Variants in WDR81 observed in about 807,000 individuals in gnomAD.
WDR81 encodes the protein WD repeat domain 81, also known as WD repeat-containing protein 81.
Under a neutral mutation model 140.8 loss-of-function variants are expected in WDR81, and 92 were observed. The ratio of observed to expected loss-of-function variants is 0.65; its 90% confidence interval spans 0.55 to 0.78. WDR81 has a LOEUF of 0.78. WDR81 is among the 30% of genes least tolerant of loss of function. The pLI, the probability that WDR81 is intolerant of heterozygous loss-of-function variation, is 0.00. For missense variants in WDR81, 2,502 were observed against 2,636.4 expected, an observed-to-expected ratio of 0.95 and a Z score of 1.12; for synonymous variants, 1,183 against 1,156.4, an observed-to-expected ratio of 1.02 and a Z score of -0.47.
At chr17:1,729,246 G>T (rs1025565157) in intron 1 of WDR81, among the ~76,000 whole-genome samples, 1 of 152,060 alleles carries the variant, frequency 6.6e-6, no homozygotes, top group South Asian at 2.1e-4. Context: ...TTGGGAGGCC[G>T]AGGCAGGAGG....
upstream of WDR81, chr17:1,724,662 G>C (rs369391306): frequency 9.6e-6 from 10 of 1,041,340 alleles, no homozygotes; most frequent in Non-Finnish European, 1.2e-5. Flanking sequence ...CTGGAGCCAC[G>C]TGCGCTTGTT....
rs1032061958 is a variant in WDR81 at position 1,726,450 on chromosome 17, C to T, written c.1491C>T (p.Thr497=). The change falls in exon 1 of 10, where the codon ACC becomes ACT. Residue 497 remains threonine, a synonymous_variant. Coordinates refer to ENST00000409644, the MANE Select transcript of WDR81 (RefSeq NM_001163809.2). The stretch of plus-strand genomic sequence containing the variant: ...ATGAGTGCATTCCGGAGTTCTACAC[C>T]GATCCCTCTATCTTCCGCTCCATCC... The part of the protein sequence containing the change: ...TPDECIPEFY[T]DPSIFRSIHP... The T allele has an allele frequency of 1.3e-5, 20 of 1,550,346 alleles. No individual in the cohort carries two copies. Among genetic ancestry groups the T allele is most frequent in the East Asian group, 2.4e-5 (1 of 40,928 alleles).
At chr17:1,716,578 G>A (rs2151151945) in exon 1 of WDR81, 1 of 1,551,700 alleles carries the variant, frequency 6.4e-7, no homozygotes, top group Non-Finnish European at 8.7e-7. Flanking sequence ...TGCAATGCAT[G>A]CTGGTCCGTG....
chr17:1,731,622 G>C (rs1293021143), intron 4 of WDR81, among the ~76,000 whole-genome samples: 4 of 152,020 alleles, frequency 2.6e-5, no homozygotes, highest in African/African-American at 9.7e-5. Flanking sequence ...TATATATAAA[G>C]GCCGAGCGTG....
chr17:1,730,556 C>T (rs1379787438), intron 2 of WDR81, 69 bp downstream of exon 2: 3 of 1,506,008 alleles, frequency 2.0e-6, no homozygotes, highest in East Asian at 2.4e-5. Flanking sequence ...CTTCAGCGCT[C>T]TCCGGCGGGG....
rs1278606481 is a variant in WDR81 at position 1,725,481 on chromosome 17, G to T, written c.522G>T (p.Leu174Phe). The T allele has an allele frequency of 1.9e-5, 30 of 1,548,478 alleles. No homozygotes were observed. The highest frequency in any genetic ancestry group is 2.4e-5 in the Non-Finnish European group (28 of 1,146,920). ...HSPAPSAVPA[L>F]DSVRQALQRV... ...CTGCCCCCTCAGCTGTCCCTGCCTT[G>T]GACTCAGTACGGCAGGCTCTGCAGA... Residue 174 changes from leucine (L) to phenylalanine (F), a missense_variant, in exon 1 of 10, where the codon TTG becomes TTT. By Grantham distance (22) the Leu-to-Phe change is conservative. This residue lies in a region of WDR81 where 547 missense variants were observed against 513.8 expected (regional missense o/e 1.06). Transcript: ENST00000409644.
rs1025250985 is a variant in WDR81, at chr17:1,727,007, G to C, written c.2048G>C (p.Ser683Thr). Reference sequence around the variant, plus strand: ...GCAGGTGACCAGCTGGGCTCCTCCAGTCAAGCGTCCCCTGGACTTCTCTCT... The same window carrying C: ...GCAGGTGACCAGCTGGGCTCCTCCACTCAAGCGTCCCCTGGACTTCTCTCT... ...GKAGDQLGSSSQASPGLLSFS... is the reference protein window; with the variant it reads ...GKAGDQLGSSTQASPGLLSFS... The change falls in exon 1 of 10, where the codon AGT becomes ACT. Residue 683 changes from serine (S) to threonine (T), a missense_variant. By Grantham distance (58) the Ser-to-Thr change is moderately conservative. Transcript: ENST00000409644. The C allele has an allele frequency of 5.8e-6, 9 of 1,550,432 alleles. No individual in the cohort carries two copies. The highest frequency in any genetic ancestry group is 1.7e-4 in the Middle Eastern group (1 of 5,992).
chr17:1,726,977 G>C lies in WDR81; in HGVS notation c.2018G>C (p.Gly673Ala), dbSNP rs1244982691. The C allele has an allele frequency of 6.5e-7, 1 of 1,550,356 alleles. No individual in the cohort carries two copies. The highest frequency in any genetic ancestry group is 1.4e-5 in the African/African-American group (1 of 73,062). ...TEALDSISLAGKAGDQLGSSS... is the reference protein window; with the variant it reads ...TEALDSISLAAKAGDQLGSSS... ...GCTCTGGATTCCATTTCCCTTGCTGGGAAAGCAGGTGACCAGCTGGGCTCC... is the reference window on the plus strand; with the variant it reads ...GCTCTGGATTCCATTTCCCTTGCTGCGAAAGCAGGTGACCAGCTGGGCTCC... Residue 673 changes from glycine to alanine, a missense_variant, in exon 1 of 10, where the codon GGG becomes GCG. Physicochemically the swap from Gly to Ala is moderately conservative, Grantham distance 60. Transcript: ENST00000409644.
Position 1,735,226 on chromosome 17 carries a change from G to A in WDR81, c.5180-346G>A, listed in dbSNP as rs1216350203. On this transcript the variant is annotated intron_variant, in intron 7 of 9. Coordinates refer to ENST00000409644, the MANE Select transcript of WDR81 (RefSeq NM_001163809.2). The surrounding 1 kb of genome is among the most constrained non-coding windows in gnomAD (Gnocchi z 4.2). ...GGGTGGATCATGAGGTCAGGAGATC[G>A]AGACCATCCAGGCTAACATGGTAAA... Among the ~76,000 whole-genome samples the A allele has an allele frequency of 2.6e-5, 4 of 152,140 alleles. No homozygotes were observed. The highest frequency in any genetic ancestry group is 4.8e-5 in the African/African-American group (2 of 41,416).
intron 7 of WDR81, among the ~76,000 whole-genome samples, chr17:1,734,506 C>T (rs778766839): frequency 8.5e-5 from 13 of 152,324 alleles, no homozygotes; most frequent in Middle Eastern, 3.4e-3. Context: ...CACAGCCGGG[C>T]GCAGTGGCTC....
intron 5 of WDR81, 21 bp from the exon 6 acceptor site, chr17:1,732,645 C>G (rs367792121): frequency 6.3e-7 from 1 of 1,589,334 alleles, no homozygotes; most frequent in Non-Finnish European, 8.6e-7. Context: ...CCGGCTGACC[C>G]CCTGGGTGTC....
chr17:1,737,846 A>T lies in WDR81; in HGVS notation c.*161A>T. ...CTAGGGCCTGCAAATGGAGTGGGGGAGTCCTGGCCCCTGAATCACCAGAGC... is the reference window on the plus strand; with the variant it reads ...CTAGGGCCTGCAAATGGAGTGGGGGTGTCCTGGCCCCTGAATCACCAGAGC... On this transcript the variant is annotated 3_prime_UTR_variant, in exon 10 of 10. Coordinates refer to ENST00000409644, the MANE Select transcript of WDR81 (RefSeq NM_001163809.2). 1 of 912,598 alleles carries T rather than the reference A, an allele frequency of 1.1e-6. No homozygotes were observed. The highest frequency in any genetic ancestry group is 1.6e-6 in the Non-Finnish European group (1 of 623,212). The allele number at this position is 912,598 out of a possible 1,614,324, so 56.5% of individuals were successfully genotyped here.
At position 1,726,476 on chromosome 17, in the gene WDR81, AC is replaced by A. The variant is rs1197310448; in HGVS notation, c.1521del (p.Asp508ThrfsTer18). 3 of 1,550,154 alleles carry A rather than the reference AC, an allele frequency of 1.9e-6. No homozygotes were observed. Among genetic ancestry groups the A allele is most frequent in the Non-Finnish European group, 2.6e-6 (3 of 1,146,922 alleles). ...YTDPSIFRSI[H>X]PDMPDLDVPA... ...GATCCCTCTATCTTCCGCTCCATCCACCCCGACATGCCTGACCTGGATGTGC... is the reference window on the plus strand; with the variant it reads ...GATCCCTCTATCTTCCGCTCCATCCACCCGACATGCCTGACCTGGATGTGC... On this transcript the variant is annotated frameshift_variant, in exon 1 of 10. Transcript: ENST00000409644. LOFTEE classifies it high-confidence loss of function.
chr17:1,724,658 C>T, upstream of WDR81: 1 of 1,037,844 alleles, frequency 9.6e-7, no homozygotes, highest in African/African-American at 1.7e-5. Context: ...GCCTCTGGAG[C>T]CACGTGCGCT....
chr17:1,724,795 G>A lies in WDR81; in HGVS notation c.-165G>A. ...GCAGGACCCGCGGAGGGGTAAGCGC[G>A]CCCCCCGTCCGCCTCTTCGCCGCCG... is the stretch of plus-strand genomic sequence containing the variant. On this transcript the variant is annotated 5_prime_UTR_variant, in exon 1 of 10. Coordinates refer to ENST00000409644, the MANE Select transcript of WDR81 (RefSeq NM_001163809.2). The A allele has an allele frequency of 3.4e-6, 4 of 1,183,478 alleles. No individual in the cohort carries two copies. The highest frequency in any genetic ancestry group is 4.5e-5 in the Admixed American group (1 of 22,018). The allele number at this position is 1,183,478 out of a possible 1,614,324, so 73.3% of individuals were successfully genotyped here. A position where few individuals can be genotyped will look rare whatever the true frequency, so the allele number is the denominator to read the frequency against.
intron 1 of WDR81, among the ~76,000 whole-genome samples, chr17:1,730,165 T>C (rs1209516803): frequency 6.6e-6 from 1 of 151,940 alleles, no homozygotes; most frequent in Admixed American, 6.6e-5. Flanking sequence ...GTCGTGCCTG[T>C]GGAGAGGAAC....
At position 1,727,130 on chromosome 17, in the gene WDR81, G is replaced by T. The variant is rs751854346; in HGVS notation, c.2171G>T (p.Gly724Val). 50 of 1,547,174 alleles carry T rather than the reference G, an allele frequency of 3.2e-5. 1 individual carries two copies. In the South Asian group the frequency reaches 5.5e-4, roughly 17 times the overall value. The change falls in exon 1 of 10, where the codon GGC becomes GTC. Residue 724 changes from glycine (G) to valine (V), a missense_variant. Physicochemically the swap from Gly to Val is moderately radical, Grantham distance 109. Coordinates refer to ENST00000409644, the MANE Select transcript of WDR81 (RefSeq NM_001163809.2). The stretch of plus-strand genomic sequence containing the variant: ...GAGGGGAGGATTCTTCTTCCCGAGG[G>T]CTTCAATCCCATGCAGGCCCTGGAG... ...GEEGRILLPE[G>V]FNPMQALEEL...
Position 1,727,150 on chromosome 17 carries a change from C to G in WDR81, c.2191C>G (p.Leu731Val). 6.5e-7 allele frequency: 1 copy of G among 1,547,688 alleles called. No individual in the cohort carries two copies. Among genetic ancestry groups the G allele is most frequent in the Non-Finnish European group, 8.7e-7 (1 of 1,145,094 alleles). Reference sequence around the variant, plus strand: ...CGAGGGCTTCAATCCCATGCAGGCCCTGGAGGAGCTGGAGAAAACGGGCAA... The same window carrying G: ...CGAGGGCTTCAATCCCATGCAGGCCGTGGAGGAGCTGGAGAAAACGGGCAA... ...LPEGFNPMQA[L>V]EELEKTGNFL... The change falls in exon 1 of 10, where the codon CTG becomes GTG. Residue 731 changes from leucine (L) to valine (V), a missense_variant. By Grantham distance (32) the Leu-to-Val change is conservative (BLOSUM62 1). This residue lies in a region of WDR81 where 1,737 missense variants were observed against 1,843.0 expected (regional missense o/e 0.94). Transcript: ENST00000409644.
chr17:1,724,728 G>C lies in WDR81; in HGVS notation c.-232G>C, dbSNP rs1915097039. 1.8e-6 allele frequency: 2 copies of C among 1,103,110 alleles called. No individual in the cohort carries two copies. Among genetic ancestry groups the C allele is most frequent in the African/African-American group, 1.7e-5 (1 of 60,390 alleles). The allele number at this position is 1,103,110 out of a possible 1,614,324, so 68.3% of individuals were successfully genotyped here. ...CAGCTGACCCGTCACGGTGGAGCCC[G>C]GTGCTCGCGCCCGGCAGCCTCTGCC... On this transcript the variant is annotated 5_prime_UTR_variant, in exon 1 of 10. Coordinates refer to ENST00000409644, the MANE Select transcript of WDR81 (RefSeq NM_001163809.2).
Sources: allele counts gnomAD v4.1 joint callset (sites outside exome capture counted in the v4.1 genomes callset), GRCh38; gene constraint gnomAD v4.1.1; regional missense constraint gnomAD v4.1.1; non-coding constraint Gnocchi (gnomAD v3.1); transcripts MANE v1.5; gene names NCBI Gene and HGNC (gene_info 2026-07-23, HGNC 2026-07-21).